The following DYNC1H1 variants were observed in gnomAD, a reference collection of about 807,000 sequenced individuals.
DYNC1H1 encodes the protein dynein cytoplasmic 1 heavy chain 1, also known as cytoplasmic dynein 1 heavy chain 1.
DYNC1H1 carries 51 observed loss-of-function variants against 527.1 expected under a neutral mutation model. That is an observed-to-expected ratio of 0.10 (90% CI 0.08 to 0.12). DYNC1H1 has a LOEUF of 0.12. Ranked by LOEUF, DYNC1H1 falls within the 10% of genes least tolerant of loss-of-function variation. The probability of loss-of-function intolerance (pLI) is 1.00; values close to 1 mark genes in which losing one functional copy is unlikely to be tolerated. For missense variants in DYNC1H1, 2,771 were observed against 5,971.8 expected (o/e 0.46, Z 17.66); for synonymous variants, 2,189 against 2,278.8 (o/e 0.96, Z 1.12).
At chr14:102,022,306 C>G (rs2048393719) in intron 42 of DYNC1H1, among the ~76,000 whole-genome samples, 1 of 151,280 alleles carries the variant, frequency 6.6e-6, no homozygotes. Flanking sequence ...ACCATCCTGG[C>G]TAACACGATG....
chr14:102,039,737 G>T lies in DYNC1H1; in HGVS notation c.11690+5G>T, dbSNP rs1336913296. 6.2e-7 allele frequency: 1 copy of T among 1,614,060 alleles called. No individual in the cohort carries two copies. The highest frequency in any genetic ancestry group is 8.5e-7 in the Non-Finnish European group (1 of 1,180,044). On this transcript the variant is annotated splice_donor_5th_base_variant and intron_variant, in intron 62 of 77. Coordinates refer to ENST00000360184, the MANE Select transcript of DYNC1H1 (RefSeq NM_001376.5). The surrounding 1 kb of genome is among the most constrained non-coding windows in gnomAD (Gnocchi z 7.0). ...CAAACTGAAGGGCACCGTGGGGTAA[G>T]AGCACTCACGCCCACAGGAGGATGC... is the stretch of plus-strand genomic sequence containing the variant.
rs772237118 is a variant in DYNC1H1 at position 102,010,735 on chromosome 14, C to T, written c.6406-5C>T. 3 of 1,612,356 alleles carry T rather than the reference C, an allele frequency of 1.9e-6. No individual in the cohort carries two copies. The highest frequency in any genetic ancestry group is 2.2e-5 in the East Asian group (1 of 44,876). On this transcript the variant is annotated splice_polypyrimidine_tract_variant and splice_region_variant and intron_variant, in intron 31 of 77. Transcript: ENST00000360184. This position sits in a 1 kb window ranked among gnomAD's most constrained non-coding sequence, Gnocchi z 6.0. Reference sequence around the variant, plus strand: ...GCTGCTCACAGCCCAGCCCTCTCCCCGTAGATTCTGATACAGAGCGTCTGT... The same window carrying T: ...GCTGCTCACAGCCCAGCCCTCTCCCTGTAGATTCTGATACAGAGCGTCTGT...
chr14:101,981,847 A>G (rs1178787811), intron 5 of DYNC1H1, among the ~76,000 whole-genome samples: 1 of 152,208 alleles, frequency 6.6e-6, no homozygotes, highest in Non-Finnish European at 1.5e-5. Flanking sequence ...CCATGTCCTT[A>G]GTTAGTAATA....
At position 102,010,733 on chromosome 14, in the gene DYNC1H1, C is replaced by T. The variant is rs1204597570; in HGVS notation, c.6406-7C>T. 2 of 1,612,212 alleles carry T rather than the reference C, an allele frequency of 1.2e-6. No homozygotes were observed. Among genetic ancestry groups the T allele is most frequent in the Non-Finnish European group, 8.5e-7 (1 of 1,179,898 alleles). ...GCGCTGCTCACAGCCCAGCCCTCTCCCCGTAGATTCTGATACAGAGCGTCT... is the reference window on the plus strand; with the variant it reads ...GCGCTGCTCACAGCCCAGCCCTCTCTCCGTAGATTCTGATACAGAGCGTCT... On this transcript the variant is annotated splice_polypyrimidine_tract_variant and splice_region_variant and intron_variant, in intron 31 of 77. Coordinates refer to ENST00000360184, the MANE Select transcript of DYNC1H1 (RefSeq NM_001376.5). This position sits in a 1 kb window ranked among gnomAD's most constrained non-coding sequence, Gnocchi z 6.0.
At position 102,043,615 on chromosome 14, in the gene DYNC1H1, C is replaced by T. The variant is rs2048679296; in HGVS notation, c.12514-260C>T. The T allele has an allele frequency of 3.8e-5, 20 of 530,590 alleles. 1 individual carries two copies. In the South Asian group the frequency reaches 3.9e-4, roughly 10 times the overall value. 32.9% of individuals were successfully genotyped at this position (530,590 alleles called of 1,614,324 possible). ...TCTGTTCTATTTTGTGCCACATTCA[C>T]GTTTTCTGACATTCTTAGAAACTCT... On this transcript the variant is annotated intron_variant, in intron 69 of 77. Coordinates refer to ENST00000360184, the MANE Select transcript of DYNC1H1 (RefSeq NM_001376.5).
At chr14:102,025,585 A>AT (rs1491399945) in intron 43 of DYNC1H1, among the ~76,000 whole-genome samples, 1 of 142,086 alleles carries the variant, frequency 7.0e-6, no homozygotes, top group African/African-American at 2.6e-5. Flanking sequence ...AAAAAAAAAA[A>AT]GATGTATCTT....
Position 101,997,399 on chromosome 14 carries a change from T to C in DYNC1H1, c.3804+125T>C. 3 of 1,515,764 alleles carry C rather than the reference T, an allele frequency of 2.0e-6. No homozygotes were observed. Among genetic ancestry groups the C allele is most frequent in the African/African-American group, 1.4e-5 (1 of 72,470 alleles). The allele number at this position is 1,515,764 out of a possible 1,614,324, so 93.9% of individuals were successfully genotyped here. ...CTAGTATTGAAGACTCTTTTCCTTTTTGTAGTTAAAAAAGCAGATGGAGAT... is the reference window on the plus strand; with the variant it reads ...CTAGTATTGAAGACTCTTTTCCTTTCTGTAGTTAAAAAAGCAGATGGAGAT... On this transcript the variant is annotated intron_variant, in intron 16 of 77. Transcript: ENST00000360184. The surrounding 1 kb of genome is among the most constrained non-coding windows in gnomAD (Gnocchi z 4.8).
rs1288082434 is a variant in DYNC1H1 at position 102,002,406 on chromosome 14, C to T, written c.4543-131C>T. The T allele has an allele frequency of 1.1e-5, 14 of 1,280,362 alleles. No individual in the cohort carries two copies. The highest frequency in any genetic ancestry group is 3.6e-5 in the Admixed American group (2 of 54,956). The allele number at this position is 1,280,362 out of a possible 1,614,324, so 79.3% of individuals were successfully genotyped here. ...GATTACAGGCGTGAGCCACCACACC[C>T]GTCTACTTGTTGTTTAAAATGTGAA... On this transcript the variant is annotated intron_variant, in intron 21 of 77. Transcript: ENST00000360184. This position sits in a 1 kb window ranked among gnomAD's most constrained non-coding sequence, Gnocchi z 4.4.
In DYNC1H1 at chr14:102,036,421, G is replaced by A. The variant is rs777401896; in HGVS notation, c.10755-68G>A. Reference sequence around the variant, plus strand: ...AATCAGGGTCTCTCATCAGGGACTCGGCTAACCGTGATCCTGTGCTTTCCC... The same window carrying A: ...AATCAGGGTCTCTCATCAGGGACTCAGCTAACCGTGATCCTGTGCTTTCCC... On this transcript the variant is annotated intron_variant, in intron 56 of 77. Transcript: ENST00000360184. The surrounding 1 kb of genome is among the most constrained non-coding windows in gnomAD (Gnocchi z 5.6). 110 of 1,604,148 alleles carry A rather than the reference G, an allele frequency of 6.9e-5. No individual in the cohort carries two copies. The East Asian group carries it at 1.1e-3, about 16-fold the overall frequency.
In DYNC1H1 at chr14:102,010,727, C is replaced by G; in HGVS notation, c.6406-13C>G. On this transcript the variant is annotated splice_polypyrimidine_tract_variant and intron_variant, in intron 31 of 77. Transcript: ENST00000360184. This position sits in a 1 kb window ranked among gnomAD's most constrained non-coding sequence, Gnocchi z 6.0. ...CATGCTGCGCTGCTCACAGCCCAGC[C>G]CTCTCCCCGTAGATTCTGATACAGA... The G allele has an allele frequency of 1.9e-6, 3 of 1,612,182 alleles. No individual in the cohort carries two copies. The African/African-American group carries it at 4.0e-5, about 22-fold the overall frequency.
Position 101,979,999 on chromosome 14 carries a change from TGTAAAATATGTTA to T in DYNC1H1, c.774+26_774+38del, listed in dbSNP as rs766846306. The T allele has an allele frequency of 3.7e-6, 6 of 1,613,974 alleles. No individual in the cohort carries two copies. In the African/African-American group the frequency reaches 8.0e-5, roughly 22 times the overall value. On this transcript the variant is annotated intron_variant, in intron 4 of 77. Transcript: ENST00000360184. The surrounding 1 kb of genome is among the most constrained non-coding windows in gnomAD (Gnocchi z 4.6). ...AGTAAGAGCACAGGATTGAAAGTTA[TGTAAAATATGTTA>T]CTCTTTAATATCTTTGGGAAAACTG... is the stretch of plus-strand genomic sequence containing the variant.
In DYNC1H1 at chr14:102,033,610, G is replaced by A. The variant is rs749974941; in HGVS notation, c.10413+126G>A. On this transcript the variant is annotated intron_variant, in intron 54 of 77. Coordinates refer to ENST00000360184, the MANE Select transcript of DYNC1H1 (RefSeq NM_001376.5). This position sits in a 1 kb window ranked among gnomAD's most constrained non-coding sequence, Gnocchi z 5.6. ...CGCTCTTTAACATCTGTAAGGCCCC[G>A]GAGGACTTTTTTCCTGGAAAATAAT... is the stretch of plus-strand genomic sequence containing the variant. 6.0e-5 allele frequency: 77 copies of A among 1,277,742 alleles called. No homozygotes were observed. Among genetic ancestry groups the A allele is most frequent in the Non-Finnish European group, 7.6e-5 (69 of 909,934 alleles). The allele number at this position is 1,277,742 out of a possible 1,614,324, so 79.2% of individuals were successfully genotyped here.
Position 101,965,217 on chromosome 14 carries a change from G to A in DYNC1H1, c.256+270G>A, listed in dbSNP as rs890597367. On this transcript the variant is annotated intron_variant, in intron 1 of 77. Coordinates refer to ENST00000360184, the MANE Select transcript of DYNC1H1 (RefSeq NM_001376.5). The surrounding 1 kb of genome is among the most constrained non-coding windows in gnomAD (Gnocchi z 4.1). ...GAGCCCCCAGGGCGCCCCGCTCCTG[G>A]TCGCGGGGAGGGGAAAGGGGTCCCC... Among the ~76,000 whole-genome samples, 15 of 152,256 alleles carry A rather than the reference G, an allele frequency of 9.9e-5. No individual in the cohort carries two copies. The highest frequency in any genetic ancestry group is 9.8e-4 in the Admixed American group (15 of 15,302).
chr14:102,001,510 A>C lies in DYNC1H1; in HGVS notation c.4396-25A>C. On this transcript the variant is annotated intron_variant, in intron 20 of 77. Coordinates refer to ENST00000360184, the MANE Select transcript of DYNC1H1 (RefSeq NM_001376.5). This position sits in a 1 kb window ranked among gnomAD's most constrained non-coding sequence, Gnocchi z 5.0. ...TAGTGAATGCCCACATATTGATAAC[A>C]TGCATCTTTCTGGTTTGAATTCAGA... The C allele has an allele frequency of 6.2e-7, 1 of 1,613,910 alleles. No individual in the cohort carries two copies. The highest frequency in any genetic ancestry group is 8.5e-7 in the Non-Finnish European group (1 of 1,179,972).
chr14:102,019,761 C>T (rs1390218097), intron 41 of DYNC1H1, 132 bp from the exon 42 acceptor site: 2 of 1,183,060 alleles, frequency 1.7e-6, no homozygotes, highest in Non-Finnish European at 1.2e-6. Flanking sequence ...ACCACCATGT[C>T]CAGCTATCTT....
chr14:101,984,097 A>G (rs1400300896), intron 7 of DYNC1H1, among the ~76,000 whole-genome samples: 1 of 152,042 alleles, frequency 6.6e-6, no homozygotes, highest in Non-Finnish European at 1.5e-5. Context: ...CTTCCTGAGT[A>G]GCTGGGACTA....
intron 5 of DYNC1H1, among the ~76,000 whole-genome samples, chr14:101,981,765 T>C (rs1233252973): frequency 6.6e-6 from 1 of 152,246 alleles, no homozygotes; most frequent in Non-Finnish European, 1.5e-5. Flanking sequence ...TTTGTTTTTT[T>C]CCTAATACTT....
chr14:101,991,414 A>C, intron 10 of DYNC1H1, 113 bp from the exon 11 acceptor site: 1 of 1,351,338 alleles, frequency 7.4e-7, no homozygotes, highest in South Asian at 1.2e-5. Flanking sequence ...ACAGTGAGCC[A>C]AGGTTGTGCC....
intron 1 of DYNC1H1, among the ~76,000 whole-genome samples, chr14:101,966,617 A>G (rs774944186): frequency 7.9e-5 from 12 of 152,128 alleles, no homozygotes; most frequent in Non-Finnish European, 1.3e-4. Context: ...GCATTTTTAA[A>G]GTTAATTGTA....
Sources: allele counts gnomAD v4.1 joint callset (sites outside exome capture counted in the v4.1 genomes callset), GRCh38; gene constraint gnomAD v4.1.1; non-coding constraint Gnocchi (gnomAD v3.1); transcripts MANE v1.5; gene names NCBI Gene and HGNC (gene_info 2026-07-23, HGNC 2026-07-21).